Variants in ITGA3 observed in about 807,000 individuals in gnomAD.
ITGA3 encodes integrin alpha-3.
In ITGA3, 70 loss-of-function variants were observed where a neutral mutation model predicts 131.1. That is an observed-to-expected ratio of 0.53 (90% confidence interval 0.44 to 0.65). The LOEUF (loss-of-function observed/expected upper bound fraction) is 0.65, where lower values mean the gene tolerates loss of function less well. Ranked by LOEUF, ITGA3 falls within the 30% of genes least tolerant of loss-of-function variation. ITGA3 has a pLI of 0.00. For missense variants in ITGA3, 1,098 were observed against 1,388.6 expected (o/e 0.79, Z 3.33); for synonymous variants, 537 against 571.6 (o/e 0.94, Z 0.86).
rs376118706 is a variant in ITGA3 at position 50,077,033 on chromosome 17, G to C, written c.1982G>C (p.Arg661Pro). The change falls in exon 15 of 26, where the codon CGG (arginine) becomes CCG (proline). Residue 661 changes from arginine (R) to proline (P), a missense_variant. This residue lies in a region of ITGA3 where 699 missense variants were observed against 829.2 expected (regional missense o/e 0.84). Coordinates refer to ENST00000320031, the MANE Select transcript of ITGA3 (RefSeq NM_002204.4). ...CTGAGCATCAACGTGACGAACACCC[G>C]GACCTCGGAGCGCTCCGGGGAGGAC... is the stretch of plus-strand genomic sequence containing the variant. The part of the protein sequence containing the change: ...LLLSINVTNT[R>P]TSERSGEDAH... 1.9e-6 allele frequency: 3 copies of C among 1,610,566 alleles called. No homozygotes were observed. The African/African-American group carries it at 4.0e-5, about 22-fold the overall frequency.
chr17:50,074,093 C>G (rs1209736275), intron 8 of ITGA3, 51 bp from the exon 9 acceptor site: 10 of 1,567,628 alleles, frequency 6.4e-6, no homozygotes, highest in Non-Finnish European at 8.8e-6. Context: ...CCTGTAGCCC[C>G]CTGGGCCCTG....
Position 50,089,433 on chromosome 17 carries a change from C to T in ITGA3, c.*355C>T. ...GCACATGCTGTCTGGCCCTGGGGATCTTCCCACAGGAGGGCCAGCGCTGTG... is the reference window on the plus strand; with the variant it reads ...GCACATGCTGTCTGGCCCTGGGGATTTTCCCACAGGAGGGCCAGCGCTGTG... On this transcript the variant is annotated 3_prime_UTR_variant, in exon 26 of 26. Coordinates refer to ENST00000320031, the MANE Select transcript of ITGA3 (RefSeq NM_002204.4). 1.6e-6 allele frequency: 1 copy of T among 621,054 alleles called. No homozygotes were observed. The highest frequency in any genetic ancestry group is 1.9e-5 in the South Asian group (1 of 53,296). The allele number at this position is 621,054 out of a possible 1,614,324, so 38.5% of individuals were successfully genotyped here. A position where few individuals can be genotyped will look rare whatever the true frequency, so the allele number is the denominator to read the frequency against.
chr17:50,069,039 G>A (rs1180514445), intron 4 of ITGA3, among the ~76,000 whole-genome samples: 3 of 151,532 alleles, frequency 2.0e-5, no homozygotes, highest in Non-Finnish European at 2.9e-5. Flanking sequence ...TAGTAGAGAC[G>A]GGCTTTCACC....
rs751481513 is a variant in ITGA3 at position 50,068,223 on chromosome 17, G to A, written c.582G>A (p.Thr194=). The A allele has an allele frequency of 3.0e-5, 48 of 1,613,982 alleles. No homozygotes were observed. The highest frequency in any genetic ancestry group is 3.7e-5 in the Non-Finnish European group (44 of 1,180,046). ...MCNSNTDYLE[T]GMCQLGTSGG... is the part of the protein sequence containing the mutation. ...ATAGCAACACAGACTACCTGGAGAC[G>A]GGCATGTGCCAGCTGGGCACCAGCG... The change falls in exon 4 of 26, where the codon ACG becomes ACA. Residue 194 remains threonine (T), a synonymous_variant. Coordinates refer to ENST00000320031, the MANE Select transcript of ITGA3 (RefSeq NM_002204.4).
chr17:50,085,464 AG>A (rs1909345469), intron 23 of ITGA3, among the ~76,000 whole-genome samples: 1 of 151,884 alleles, frequency 6.6e-6, no homozygotes, highest in Non-Finnish European at 1.5e-5. Flanking sequence ...CAGGAGTTCA[AG>A]ACCAGCCTGG....
intron 4 of ITGA3, among the ~76,000 whole-genome samples, chr17:50,069,463 C>G (rs759447173): frequency 3.9e-5 from 6 of 151,968 alleles, no homozygotes; most frequent in Admixed American, 1.3e-4. Flanking sequence ...CCCAGGAGTT[C>G]AAGACTAACG....
chr17:50,062,707 C>T lies in ITGA3; in HGVS notation c.207-1370C>T, dbSNP rs903020147. On this transcript the variant is annotated intron_variant, in intron 1 of 25. Transcript: ENST00000320031. Reference sequence around the variant, plus strand: ...CTGCCCTGCCCTGCCCAGCCCACTCCCTGTAGCCCACACTCACAGGTCCCA... The same window carrying T: ...CTGCCCTGCCCTGCCCAGCCCACTCTCTGTAGCCCACACTCACAGGTCCCA... Among the ~76,000 whole-genome samples the T allele has an allele frequency of 2.6e-5, 4 of 152,250 alleles. No individual in the cohort carries two copies. The East Asian group carries it at 5.8e-4, about 22-fold the overall frequency.
chr17:50,081,336 G>A lies in ITGA3; in HGVS notation c.2847G>A (p.Arg949=), dbSNP rs780973522. Residue 949 remains arginine (R), a synonymous_variant, in exon 23 of 26, where the codon CGG becomes CGA. Coordinates refer to ENST00000320031, the MANE Select transcript of ITGA3 (RefSeq NM_002204.4). Reference sequence around the variant, plus strand: ...ATTACAGAGACTTTGACCGAGTCCGGGTAAATGGCTGGGCTACCCTATTCC... The same window carrying A: ...ATTACAGAGACTTTGACCGAGTCCGAGTAAATGGCTGGGCTACCCTATTCC... The part of the protein sequence containing the change: ...IEDYRDFDRV[R]VNGWATLFLR... 3.8e-6 allele frequency: 6 copies of A among 1,592,024 alleles called. No homozygotes were observed. The East Asian group carries it at 1.4e-4, about 36-fold the overall frequency.
intron 3 of ITGA3, among the ~76,000 whole-genome samples, chr17:50,067,458 G>A (rs1480910086): frequency 6.6e-6 from 1 of 152,160 alleles, no homozygotes; most frequent in Admixed American, 6.5e-5. Context: ...AATATTCTCT[G>A]CCTCTCTCTA....
In ITGA3 at chr17:50,078,711, T is replaced by C; in HGVS notation, c.2298-113T>C. ...TGTAAATGCAGAGCTGAGGTTTCTA[T>C]TGAGGTGACTGATGTCAGAGGGGCT... On this transcript the variant is annotated intron_variant, in intron 18 of 25. Transcript: ENST00000320031. 5 of 688,606 alleles carry C rather than the reference T, an allele frequency of 7.3e-6. No homozygotes were observed. In the East Asian group the frequency reaches 7.4e-5, roughly 10 times the overall value. The allele number at this position is 688,606 out of a possible 1,614,324, so 42.7% of individuals were successfully genotyped here.
At chr17:50,076,541 T>TC in intron 13 of ITGA3, 43 bp from the exon 14 acceptor site, 1 of 1,585,868 alleles carries the variant, frequency 6.3e-7, no homozygotes, top group African/African-American at 1.4e-5. Flanking sequence ...GAGAGGGCAC[T>TC]GGGGGGGGTG....
In ITGA3 at chr17:50,064,356, G is replaced by T; in HGVS notation, c.334+152G>T. 8.7e-7 allele frequency: 1 copy of T among 1,155,766 alleles called. No homozygotes were observed. The highest frequency in any genetic ancestry group is 1.5e-5 in the South Asian group (1 of 67,484). The allele number at this position is 1,155,766 out of a possible 1,614,324, so 71.6% of individuals were successfully genotyped here. A position where few individuals can be genotyped will look rare whatever the true frequency, so the allele number is the denominator to read the frequency against. ...GAAGAGGGTGCCCTAGAGGAGAGTG[G>T]GGCTGGATGGGATTGGTAGAGCTCA... is the stretch of plus-strand genomic sequence containing the variant. On this transcript the variant is annotated intron_variant, in intron 2 of 25. Transcript: ENST00000320031. The surrounding 1 kb of genome is among the most constrained non-coding windows in gnomAD (Gnocchi z 4.4).
chr17:50,072,255 AC>A (rs1908667031), intron 7 of ITGA3, 73 bp downstream of exon 7: 2 of 1,355,806 alleles, frequency 1.5e-6, no homozygotes, highest in African/African-American at 2.9e-5. Context: ...CTGACTGAGC[AC>A]CAGCTGCACA....
At position 50,088,376 on chromosome 17, in the gene ITGA3, C is replaced by G. The variant is rs1306333580; in HGVS notation, c.*31+10C>G. Reference sequence around the variant, plus strand: ...CCCCCGGCCCACCTGGGTAACACGGCCTCCGGGCCCCCTTCCCCGAGCCCC... The same window carrying G: ...CCCCCGGCCCACCTGGGTAACACGGGCTCCGGGCCCCCTTCCCCGAGCCCC... On this transcript the variant is annotated intron_variant, in intron 25 of 25. Transcript: ENST00000320031. 2 of 1,433,934 alleles carry G rather than the reference C, an allele frequency of 1.4e-6. No homozygotes were observed. The highest frequency in any genetic ancestry group is 1.9e-6 in the Non-Finnish European group (2 of 1,041,368). 88.8% of individuals were successfully genotyped at this position (1,433,934 alleles called of 1,614,324 possible).
intron 10 of ITGA3, among the ~76,000 whole-genome samples, 196 bp downstream of exon 10, chr17:50,074,730 C>A (rs903359723): frequency 2.6e-5 from 4 of 152,230 alleles, no homozygotes; most frequent in Admixed American, 6.5e-5. Flanking sequence ...AAGTCGGGGG[C>A]AGTAGAGTAT....
intron 3 of ITGA3, 122 bp from the exon 4 acceptor site, chr17:50,067,931 AAGG>A: frequency 7.9e-7 from 1 of 1,268,548 alleles, no homozygotes; most frequent in Non-Finnish European, 1.1e-6. Context: ...TCACTGGGAG[AAGG>A]AGAAGCCAGG....
intron 1 of ITGA3, among the ~76,000 whole-genome samples, chr17:50,059,403 G>A (rs912178624): frequency 1.1e-4 from 16 of 152,140 alleles, no homozygotes; most frequent in Non-Finnish European, 1.2e-4. Context: ...TGGAAATGAG[G>A]GTATCTGGGA....
chr17:50,085,071 G>T (rs183015396), intron 23 of ITGA3, among the ~76,000 whole-genome samples: 1 of 151,688 alleles, frequency 6.6e-6, no homozygotes, highest in African/African-American at 2.4e-5. Flanking sequence ...GGGTGGTGGC[G>T]GGCGCCTGTA....
In ITGA3 at chr17:50,056,334, C is replaced by A. The variant is rs1055440940; in HGVS notation, c.-106C>A. On this transcript the variant is annotated 5_prime_UTR_variant, in exon 1 of 26. Transcript: ENST00000320031. The surrounding 1 kb of genome is among the most constrained non-coding windows in gnomAD (Gnocchi z 5.6). Reference sequence around the variant, plus strand: ...CAGCGCTACGGAGCGCAGCGGCCGGCGGGTTCCAGTGTCCTCCGGCGGCGC... The same window carrying A: ...CAGCGCTACGGAGCGCAGCGGCCGGAGGGTTCCAGTGTCCTCCGGCGGCGC... The A allele has an allele frequency of 1.1e-5, 8 of 738,572 alleles. No homozygotes were observed. The highest frequency in any genetic ancestry group is 4.1e-5 in the Admixed American group (1 of 24,600). The allele number at this position is 738,572 out of a possible 1,614,324, so 45.8% of individuals were successfully genotyped here.
Sources: gnomAD v4.1 joint callset for allele counts (sites outside exome capture counted in the v4.1 genomes callset) on GRCh38, gnomAD v4.1.1 for gene constraint, gnomAD v4.1.1 regional missense constraint, Gnocchi (gnomAD v3.1) non-coding constraint, MANE v1.5 for transcripts, NCBI Gene and HGNC (gene_info 2026-07-23, HGNC 2026-07-21) for gene names.